ADAMTS20: variants seen among roughly 807,000 people sequenced by gnomAD.
The protein encoded by ADAMTS20 is ADAM metallopeptidase with thrombospondin type 1 motif 20.
In ADAMTS20, 225 loss-of-function variants were observed where a neutral mutation model predicts 260.1. That is an observed-to-expected ratio of 0.87 (90% CI 0.78 to 0.97). The LOEUF is 0.97. Among genes scored for constraint, ADAMTS20 ranks in the 50% least tolerant of loss-of-function variants. ADAMTS20 has a pLI of 0.00. For missense variants in ADAMTS20, 2,400 were observed against 2,337.7 expected, an observed-to-expected ratio of 1.03 and a Z score of -0.55; for synonymous variants, 802 against 769.5, an observed-to-expected ratio of 1.04 and a Z score of -0.70.
At chr12:43,454,128 T>A (rs1941922329) in intron 11 of ADAMTS20, 76 bp from the exon 12 acceptor site, 1 of 1,490,226 alleles carries the variant, frequency 6.7e-7, no homozygotes, top group Admixed American at 2.3e-5. Context: ...AATAGCAGCA[T>A]AAAGATCAAC....
At chr12:43,401,256 T>C (rs1189396169) in intron 28 of ADAMTS20, among the ~76,000 whole-genome samples, 1 of 151,972 alleles carries the variant, frequency 6.6e-6, no homozygotes, top group Non-Finnish European at 1.5e-5. Context: ...TGTGTATGTT[T>C]GATATGACTT....
intron 3 of ADAMTS20, among the ~76,000 whole-genome samples, chr12:43,526,495 A>G (rs1462392481): frequency 3.3e-5 from 5 of 152,180 alleles, no homozygotes; most frequent in Non-Finnish European, 7.3e-5. Context: ...ATCTTCTCAG[A>G]CCACAGTGAA....
chr12:43,549,573 A>T (rs187894077), intron 2 of ADAMTS20, among the ~76,000 whole-genome samples: 3 of 152,314 alleles, frequency 2.0e-5, no homozygotes, highest in African/African-American at 7.2e-5. Flanking sequence ...ATGAGAAAAC[A>T]TAATGACCAT....
intron 3 of ADAMTS20, among the ~76,000 whole-genome samples, chr12:43,504,376 A>G (rs757652353): frequency 6.6e-6 from 1 of 152,108 alleles, no homozygotes. Context: ...AAAAGTGTCT[A>G]TGAACTTCTT....
intron 24 of ADAMTS20, among the ~76,000 whole-genome samples, chr12:43,429,262 A>C (rs1941394203): frequency 6.6e-6 from 1 of 152,196 alleles, no homozygotes; most frequent in Non-Finnish European, 1.5e-5. Context: ...ACATACGTTA[A>C]AGCTTTCAGT....
chr12:43,544,010 A>G (rs1301225783), intron 2 of ADAMTS20, among the ~76,000 whole-genome samples: 1 of 152,242 alleles, frequency 6.6e-6, no homozygotes, highest in African/African-American at 2.4e-5. Context: ...AGTGGCTGTT[A>G]GGTAATAAAT....
chr12:43,520,148 G>A (rs555301608), intron 3 of ADAMTS20, among the ~76,000 whole-genome samples: 1 of 152,138 alleles, frequency 6.6e-6, no homozygotes, highest in Non-Finnish European at 1.5e-5. Context: ...GGTGAAGAGA[G>A]AGGTAAAAGA....
intron 3 of ADAMTS20, among the ~76,000 whole-genome samples, chr12:43,528,818 C>T (rs1037985831): frequency 7.9e-5 from 12 of 151,772 alleles, no homozygotes; most frequent in African/African-American, 2.9e-4. Flanking sequence ...TTGAATAATC[C>T]AAAAGCTTCT....
Position 43,439,923 on chromosome 12 carries a change from G to T in ADAMTS20, c.2437C>A (p.Arg813=), listed in dbSNP as rs1430964816. ...TGCAAAATAAGTTCTTTCTCTTGTCGATTAGTACTATTAATTCTTTCAACT... is the reference window on the plus strand; with the variant it reads ...TGCAAAATAAGTTCTTTCTCTTGTCTATTAGTACTATTAATTCTTTCAACT... ...NAVERINSTN[R]QEKELILQVL... Residue 813 remains arginine (R), a synonymous_variant, in exon 17 of 39, where the codon CGA becomes AGA. Transcript: ENST00000389420. 6.2e-7 allele frequency: 1 copy of T among 1,606,586 alleles called. No individual in the cohort carries two copies. Among genetic ancestry groups the T allele is most frequent in the South Asian group, 1.1e-5 (1 of 90,048 alleles).
chr12:43,462,811 A>G, intron 11 of ADAMTS20, 84 bp downstream of exon 11: 1 of 1,129,956 alleles, frequency 8.8e-7, no homozygotes, highest in South Asian at 1.5e-5. Context: ...TTGACAGCAA[A>G]TAACAAACAG....
At chr12:43,497,425 A>T (rs1038269573) in intron 4 of ADAMTS20, among the ~76,000 whole-genome samples, 3 of 152,190 alleles carry the variant, frequency 2.0e-5, no homozygotes, top group African/African-American at 7.2e-5. Context: ...GTACAAAGTC[A>T]TCTATAAAAA....
chr12:43,377,741 C>T (rs1456380875), intron 31 of ADAMTS20, among the ~76,000 whole-genome samples, 179 bp from the exon 32 acceptor site: 2 of 151,958 alleles, frequency 1.3e-5, no homozygotes, highest in Non-Finnish European at 2.9e-5. Context: ...CAGAGTTGTA[C>T]CAATAAAGGA....
At chr12:43,504,804 C>A (rs931847354) in intron 3 of ADAMTS20, among the ~76,000 whole-genome samples, 1 of 152,038 alleles carries the variant, frequency 6.6e-6, no homozygotes, top group Non-Finnish European at 1.5e-5. Context: ...TGCTTCAATA[C>A]CAATTCAACC....
Position 43,547,238 on chromosome 12 carries a change from G to A in ADAMTS20, c.453+3671C>T, listed in dbSNP as rs79661754. Among the ~76,000 whole-genome samples the A allele has an allele frequency of 1.4e-3, 213 of 152,222 alleles. 1 individual carries two copies. In the East Asian group the frequency reaches 0.021, roughly 15 times the overall value. ...TGTTTTTCATTCTTTTTCTCTAAAA[G>A]CCACATTCGCTGCCACCAGCGAAGG... is the stretch of plus-strand genomic sequence containing the variant. On this transcript the variant is annotated intron_variant, in intron 2 of 38. Coordinates refer to ENST00000389420, the MANE Select transcript of ADAMTS20 (RefSeq NM_025003.5).
intron 11 of ADAMTS20, among the ~76,000 whole-genome samples, chr12:43,455,546 T>C (rs1168693675): frequency 6.6e-6 from 1 of 152,150 alleles, no homozygotes; most frequent in Non-Finnish European, 1.5e-5. Context: ...GGAAGAGCCA[T>C]TATGCCCTAG....
At chr12:43,392,709 G>A (rs181995267) in intron 29 of ADAMTS20, among the ~76,000 whole-genome samples, 37 of 152,002 alleles carry the variant, frequency 2.4e-4, no homozygotes, top group Middle Eastern at 6.8e-3. Context: ...TTAATCTCCC[G>A]AACACATTTG....
intron 3 of ADAMTS20, among the ~76,000 whole-genome samples, chr12:43,518,898 A>G (rs1943034866): frequency 1.3e-5 from 2 of 151,704 alleles, no homozygotes; most frequent in South Asian, 2.1e-4. Context: ...CAGCTTGACC[A>G]TCAAAATAAA....
intron 18 of ADAMTS20, among the ~76,000 whole-genome samples, chr12:43,436,106 CA>C (rs1276806544): frequency 2.0e-5 from 3 of 151,820 alleles, no homozygotes; most frequent in Non-Finnish European, 4.4e-5. Flanking sequence ...AAAAAAACAG[CA>C]AGGAAATGAA....
Position 43,434,331 on chromosome 12 carries a change from A to G in ADAMTS20, c.2634T>C (p.Asp878=). The G allele has an allele frequency of 6.3e-7, 1 of 1,592,116 alleles. No individual in the cohort carries two copies. The highest frequency in any genetic ancestry group is 8.6e-7 in the Non-Finnish European group (1 of 1,167,884). ...RRNITCIHKS[D]HSVVSDKECD... ...ATTCTTTATCAGACACAACACTATG[A>G]TCACTCTTATGTATGCAAGTTATGT... The change falls in exon 19 of 39, where the codon GAT becomes GAC. Residue 878 remains aspartate, a synonymous_variant. Transcript: ENST00000389420.
Sources: allele counts gnomAD v4.1 joint callset (sites outside exome capture counted in the v4.1 genomes callset), GRCh38; gene constraint gnomAD v4.1.1; transcripts MANE v1.5; gene names NCBI Gene and HGNC (gene_info 2026-07-23, HGNC 2026-07-21).